Variants in TLE4 observed in about 807,000 individuals in gnomAD.
The protein encoded by TLE4 is transducin-like enhancer protein 4.
In TLE4, 8 loss-of-function variants were observed where a neutral mutation model predicts 92.8. The ratio of observed to expected loss-of-function variants is 0.09; its 90% confidence interval spans 0.05 to 0.16. The LOEUF is 0.16. TLE4 is among the 10% of genes least tolerant of loss of function. TLE4 has a pLI of 1.00. For synonymous variants in TLE4, 371 were observed against 374.1 expected, an observed-to-expected ratio of 0.99 and a Z score of 0.10; for missense variants, 675 against 997.6, an observed-to-expected ratio of 0.68 and a Z score of 4.36.
At chr9:79,594,391 T>C (rs910933829) in intron 4 of TLE4, among the ~76,000 whole-genome samples, 1 of 152,232 alleles carries the variant, frequency 6.6e-6, no homozygotes, top group African/African-American at 2.4e-5. Flanking sequence ...TGTGTGCTGC[T>C]TGAATGAGAT....
intron 6 of TLE4, among the ~76,000 whole-genome samples, chr9:79,641,433 T>C (rs925100690): frequency 3.3e-5 from 5 of 152,142 alleles, no homozygotes; most frequent in Non-Finnish European, 7.4e-5. Context: ...CTCTAATTAT[T>C]CTTAAATAAA....
chr9:79,615,626 C>T (rs547026082), intron 5 of TLE4, among the ~76,000 whole-genome samples: 2 of 149,696 alleles, frequency 1.3e-5, no homozygotes, highest in South Asian at 4.2e-4. Flanking sequence ...TCTGGTTTAC[C>T]GCATTTTTTT....
intron 5 of TLE4, among the ~76,000 whole-genome samples, chr9:79,615,549 T>C (rs946267482): frequency 3.3e-5 from 5 of 152,154 alleles, no homozygotes; most frequent in African/African-American, 1.2e-4. Context: ...TACATACTGT[T>C]AGATGAAGTC....
At chr9:79,693,357 C>G (rs1437708948) in intron 8 of TLE4, among the ~76,000 whole-genome samples, 1 of 152,164 alleles carries the variant, frequency 6.6e-6, no homozygotes, top group East Asian at 1.9e-4. Context: ...CTCCAGTCTA[C>G]TCTCTATTCT....
rs1322353272 is a variant in TLE4, at chr9:79,706,784, C to T, written c.821C>T (p.Pro274Leu). 8 of 1,614,136 alleles carry T rather than the reference C, an allele frequency of 5.0e-6. No homozygotes were observed. Among genetic ancestry groups the T allele is most frequent in the South Asian group, 1.1e-5 (1 of 91,084 alleles). Reference sequence around the variant, plus strand: ...CCTCGAGGGAGCCCAGCACATTCCCCCAGAGAGAATGGCCTAGACAAGACA... The same window carrying T: ...CCTCGAGGGAGCCCAGCACATTCCCTCAGAGAGAATGGCCTAGACAAGACA... ...SSPRGSPAHS[P>L]RENGLDKTRL... Residue 274 changes from proline to leucine, a missense_variant, in exon 11 of 20, where the codon CCC becomes CTC. This residue lies in a region of TLE4 where 280 missense variants were observed against 287.3 expected (regional missense o/e 0.97). Coordinates refer to ENST00000376552, the MANE Select transcript of TLE4 (RefSeq NM_007005.6).
chr9:79,717,030 G>T (rs1048522757), intron 14 of TLE4, among the ~76,000 whole-genome samples: 1 of 151,994 alleles, frequency 6.6e-6, no homozygotes, highest in Non-Finnish European at 1.5e-5. Context: ...AACTACTCTG[G>T]CCGGAGATTC....
At chr9:79,597,683 C>A (rs1807351495) in intron 4 of TLE4, among the ~76,000 whole-genome samples, 1 of 152,150 alleles carries the variant, frequency 6.6e-6, no homozygotes, top group Non-Finnish European at 1.5e-5. Flanking sequence ...ATTGTCCTTC[C>A]CTCTTATTCA....
chr9:79,661,863 A>G (rs1392096185), intron 8 of TLE4, among the ~76,000 whole-genome samples: 1 of 152,192 alleles, frequency 6.6e-6, no homozygotes, highest in East Asian at 1.9e-4. Context: ...TTGTAATGTA[A>G]CATAAGAAAT....
At chr9:79,597,971 G>T (rs745423785) in intron 4 of TLE4, among the ~76,000 whole-genome samples, 1 of 151,368 alleles carries the variant, frequency 6.6e-6, no homozygotes, top group South Asian at 2.1e-4. Flanking sequence ...GGTGGCTCAC[G>T]CCTGTAATCC....
At chr9:79,598,461 C>G (rs896730082) in intron 4 of TLE4, among the ~76,000 whole-genome samples, 1 of 152,118 alleles carries the variant, frequency 6.6e-6, no homozygotes, top group African/African-American at 2.4e-5. Flanking sequence ...AATGGTCTTA[C>G]CCTTTTCTCT....
Position 79,572,768 on chromosome 9 carries a change from C to A in TLE4, c.-23C>A. On this transcript the variant is annotated 5_prime_UTR_variant, in exon 1 of 20. Coordinates refer to ENST00000376552, the MANE Select transcript of TLE4 (RefSeq NM_007005.6). ...CAATGAGCCGCGCGCCTCTGCCGAG[C>A]GCAGCCAACTAAATCGGCTTGGATG... 1 of 1,596,976 alleles carries A rather than the reference C, an allele frequency of 6.3e-7. No homozygotes were observed. The highest frequency in any genetic ancestry group is 2.3e-5 in the East Asian group (1 of 43,050).
chr9:79,572,691 G>C lies in TLE4; in HGVS notation c.-100G>C, dbSNP rs1038701824. On this transcript the variant is annotated 5_prime_UTR_variant, in exon 1 of 20. Transcript: ENST00000376552. ...GACCGCCCGAGCCGCCCCTCAGACC[G>C]AGCCGGCCGCCTCCGCTGCCGCGGC... The C allele has an allele frequency of 2.0e-5, 26 of 1,313,102 alleles. No individual in the cohort carries two copies. Among genetic ancestry groups the C allele is most frequent in the African/African-American group, 4.6e-5 (3 of 65,096 alleles). 81.3% of individuals were successfully genotyped at this position (1,313,102 alleles called of 1,614,324 possible).
At chr9:79,716,150 A>G (rs1238896716) in intron 14 of TLE4, among the ~76,000 whole-genome samples, 9 of 152,144 alleles carry the variant, frequency 5.9e-5, no homozygotes, top group Admixed American at 3.3e-4. Context: ...ATCACAGCCT[A>G]TATGGCCCTT....
At chr9:79,627,229 A>G (rs915216659) in intron 5 of TLE4, 145 bp from the exon 6 acceptor site, 2 of 762,806 alleles carry the variant, frequency 2.6e-6, no homozygotes, top group South Asian at 1.6e-5. Context: ...CTAGTCATCC[A>G]TCACCTCAGG....
intron 5 of TLE4, among the ~76,000 whole-genome samples, chr9:79,623,452 TTGTC>T (rs2051584424): frequency 6.6e-6 from 1 of 152,276 alleles, no homozygotes; most frequent in South Asian, 2.1e-4. Context: ...TATTAGTACT[TTGTC>T]TGAACAAATG....
chr9:79,692,495 A>G (rs757133467), intron 8 of TLE4, among the ~76,000 whole-genome samples: 5 of 152,180 alleles, frequency 3.3e-5, no homozygotes, highest in Non-Finnish European at 5.9e-5. Context: ...TCCCAGAAAC[A>G]ATCATGAAAG....
chr9:79,601,074 G>C (rs1304953874), intron 4 of TLE4, among the ~76,000 whole-genome samples: 8 of 152,180 alleles, frequency 5.3e-5, no homozygotes, highest in Non-Finnish European at 1.2e-4. Flanking sequence ...ATCTCAAGAA[G>C]GAGGTTGAGC....
chr9:79,644,888 G>C (rs928086491), intron 6 of TLE4, among the ~76,000 whole-genome samples: 1 of 152,152 alleles, frequency 6.6e-6, no homozygotes, highest in African/African-American at 2.4e-5. Context: ...GCTAGCTCCT[G>C]GTGGATGAGT....
At chr9:79,617,428 C>A (rs968940856) in intron 5 of TLE4, among the ~76,000 whole-genome samples, 1 of 152,096 alleles carries the variant, frequency 6.6e-6, no homozygotes, top group Non-Finnish European at 1.5e-5. Context: ...ACAAGGTGTT[C>A]CTAAGATCTT....
Sources: gnomAD v4.1 joint callset for allele counts (sites outside exome capture counted in the v4.1 genomes callset) on GRCh38, gnomAD v4.1.1 for gene constraint, gnomAD v4.1.1 regional missense constraint, MANE v1.5 for transcripts, NCBI Gene and HGNC (gene_info 2026-07-23, HGNC 2026-07-21) for gene names.